IQCB1: variants seen among roughly 807,000 people sequenced by gnomAD.
The protein encoded by IQCB1 is IQ motif containing B1, also known as IQ calmodulin-binding motif-containing protein 1.
A neutral mutation model predicts 84.4 loss-of-function variants in IQCB1; 56 were observed. The ratio of observed to expected loss-of-function variants is 0.66; its 90% CI spans 0.54 to 0.83. The LOEUF is 0.83. Ranked by LOEUF, IQCB1 falls within the 40% of genes least tolerant of loss-of-function variation. The pLI is 0.00. For missense variants in IQCB1, 629 were observed against 682.1 expected, an observed-to-expected ratio of 0.92 and a Z score of 0.87; for synonymous variants, 210 against 234.8, an observed-to-expected ratio of 0.89 and a Z score of 0.96.
At chr3:121,809,394 T>C (rs1949738048) in intron 5 of IQCB1, among the ~76,000 whole-genome samples, 1 of 152,058 alleles carries the variant, frequency 6.6e-6, no homozygotes, top group African/African-American at 2.4e-5. Context: ...ATATCTGTAC[T>C]TGCACAAAGT....
intron 2 of IQCB1, among the ~76,000 whole-genome samples, chr3:121,833,221 C>A (rs1048031222): frequency 6.6e-6 from 1 of 152,198 alleles, no homozygotes; most frequent in Non-Finnish European, 1.5e-5. Context: ...CATCATACTA[C>A]ATTTTAAGAC....
chr3:121,800,330 A>G (rs1175568820), intron 7 of IQCB1, among the ~76,000 whole-genome samples: 1 of 151,992 alleles, frequency 6.6e-6, no homozygotes, highest in African/African-American at 2.4e-5. Flanking sequence ...AATTTTGAGC[A>G]GTCAAATTTT....
At chr3:121,788,485 G>T (rs1361078902) in intron 11 of IQCB1, 53 bp from the exon 12 acceptor site, 1 of 1,495,216 alleles carries the variant, frequency 6.7e-7, no homozygotes, top group Non-Finnish European at 9.3e-7. Flanking sequence ...GCTTTCTTAA[G>T]TTCTGGAATC....
intron 10 of IQCB1, 22 bp downstream of exon 10, chr3:121,795,435 T>C: frequency 8.3e-7 from 1 of 1,207,294 alleles, no homozygotes; most frequent in Non-Finnish European, 1.2e-6. Flanking sequence ...TGATCATCAA[T>C]CCCCTCACCA....
rs145235463 is a variant in IQCB1, at chr3:121,823,875, G to A, written c.393+2176C>T. Among the ~76,000 whole-genome samples the A allele has an allele frequency of 2.6e-5, 4 of 152,074 alleles. No individual in the cohort carries two copies. In the East Asian group the frequency reaches 7.7e-4, roughly 29 times the overall value. On this transcript the variant is annotated intron_variant, in intron 5 of 14. Transcript: ENST00000310864. ...ACTATTTAAAGTAAAAATAACACAT[G>A]GTAGATTTCATAATATATGTAAAAG... is the stretch of plus-strand genomic sequence containing the variant.
intron 5 of IQCB1, among the ~76,000 whole-genome samples, chr3:121,821,252 G>C (rs1406401276): frequency 6.6e-6 from 1 of 152,156 alleles, no homozygotes; most frequent in Non-Finnish European, 1.5e-5. Flanking sequence ...ACAGGCGTGA[G>C]CCACTGCATC....
intron 7 of IQCB1, among the ~76,000 whole-genome samples, chr3:121,804,200 A>C (rs979464965): frequency 6.6e-6 from 1 of 152,132 alleles, no homozygotes; most frequent in South Asian, 2.1e-4. Context: ...TTACATCAGT[A>C]TACTTCCATT....
chr3:121,785,294 C>T (rs916025115), intron 12 of IQCB1, among the ~76,000 whole-genome samples: 2 of 151,478 alleles, frequency 1.3e-5, no homozygotes, highest in Admixed American at 6.6e-5. Flanking sequence ...TTCCTATTAC[C>T]CAGGCTAGAG....
intron 12 of IQCB1, among the ~76,000 whole-genome samples, chr3:121,784,806 C>A (rs1332327995): frequency 1.3e-5 from 2 of 151,868 alleles, no homozygotes; most frequent in African/African-American, 4.8e-5. Flanking sequence ...TTCAGCCTCC[C>A]GAGTAGCCGG....
chr3:121,826,270 G>C (rs1052002787), intron 4 of IQCB1, 90 bp from the exon 5 acceptor site: 41 of 1,255,322 alleles, frequency 3.3e-5, no homozygotes, highest in Non-Finnish European at 4.6e-5. Context: ...AGAATTTTTA[G>C]TATGCTTCTT....
At chr3:121,807,311 A>G in intron 7 of IQCB1, 33 bp downstream of exon 7, 1 of 1,060,524 alleles carries the variant, frequency 9.4e-7, no homozygotes, top group Non-Finnish European at 1.5e-6. Context: ...CTGATAAAAA[A>G]AAAGCAGTAA....
At chr3:121,789,109 T>C (rs945048172) in intron 11 of IQCB1, among the ~76,000 whole-genome samples, 3 of 152,174 alleles carry the variant, frequency 2.0e-5, no homozygotes, top group African/African-American at 7.2e-5. Flanking sequence ...AGGGGTAAGA[T>C]AATGACTTTG....
At chr3:121,789,629 T>C (rs1948877354) in intron 11 of IQCB1, among the ~76,000 whole-genome samples, 16 of 152,212 alleles carry the variant, frequency 1.1e-4, no homozygotes, top group Admixed American at 1.0e-3. Flanking sequence ...TTGAAACCAC[T>C]AAGACCTCTC....
At chr3:121,782,520 ATG>A (rs1576545450) in intron 12 of IQCB1, among the ~76,000 whole-genome samples, 1 of 152,190 alleles carries the variant, frequency 6.6e-6, no homozygotes, top group Admixed American at 6.5e-5. Flanking sequence ...AGAGCTAAAA[ATG>A]TGTGTGTGAT....
intron 5 of IQCB1, among the ~76,000 whole-genome samples, chr3:121,821,832 TG>T (rs1950286557): frequency 6.6e-6 from 1 of 152,202 alleles, no homozygotes; most frequent in African/African-American, 2.4e-5. Context: ...AAATTTATCT[TG>T]TGTGATTGTC....
intron 7 of IQCB1, among the ~76,000 whole-genome samples, chr3:121,806,371 A>G (rs115205123): frequency 0.015 from 2,323 of 152,168 alleles, 62 homozygotes; most frequent in African/African-American, 0.052. Context: ...AAAATCTTCA[A>G]TGGTCCCCGT....
At chr3:121,790,262 A>C (rs765615569) in intron 10 of IQCB1, 47 bp from the exon 11 acceptor site, 5 of 1,554,968 alleles carry the variant, frequency 3.2e-6, no homozygotes, top group Non-Finnish European at 4.4e-6. Context: ...AAATCATATG[A>C]AAAAATGCAT....
intron 13 of IQCB1, among the ~76,000 whole-genome samples, chr3:121,781,284 A>G (rs1948480000): frequency 6.6e-6 from 1 of 152,188 alleles, no homozygotes; most frequent in South Asian, 2.1e-4. Flanking sequence ...CTATTGGGAT[A>G]AAGGTGCTAG....
At chr3:121,785,280 C>CCTA (rs1158954143) in intron 12 of IQCB1, among the ~76,000 whole-genome samples, 1 of 149,004 alleles carries the variant, frequency 6.7e-6, no homozygotes, top group Non-Finnish European at 1.5e-5. Flanking sequence ...GAGGCAGGGT[C>CCTA]TTATTCCTAT....
Sources: gnomAD v4.1 joint callset for allele counts (sites outside exome capture counted in the v4.1 genomes callset) on GRCh38, gnomAD v4.1.1 for gene constraint, MANE v1.5 for transcripts, NCBI Gene and HGNC (gene_info 2026-07-23, HGNC 2026-07-21) for gene names.